Variants in NUP210 observed in about 807,000 individuals in gnomAD.
NUP210 encodes the protein nucleoporin 210.
Under a neutral mutation model 196.0 loss-of-function variants are expected in NUP210, and 151 were observed. The ratio of observed to expected loss-of-function variants is 0.77; its 90% confidence interval spans 0.67 to 0.88. NUP210 has a LOEUF of 0.88. Among genes scored for constraint, NUP210 ranks in the 40% least tolerant of loss-of-function variants. The pLI, the probability that NUP210 is intolerant of heterozygous loss-of-function variation, is 0.00. For synonymous variants in NUP210, 1,070 were observed against 1,052.7 expected, an observed-to-expected ratio of 1.02 and a Z score of -0.32; for missense variants, 2,314 against 2,493.7, an observed-to-expected ratio of 0.93 and a Z score of 1.53.
Position 13,319,299 on chromosome 3 carries a change from G to T in NUP210, c.5410C>A (p.Leu1804Met), listed in dbSNP as rs757007725. 5.0e-6 allele frequency: 8 copies of T among 1,611,938 alleles called. No individual in the cohort carries two copies. The highest frequency in any genetic ancestry group is 6.8e-6 in the Non-Finnish European group (8 of 1,178,996). The change falls in exon 38 of 40, where the codon CTG (leucine) becomes ATG (methionine). Residue 1804 changes from leucine (L) to methionine (M), a missense_variant. By Grantham distance (15) the Leu-to-Met change is conservative. Transcript: ENST00000254508. Reference protein sequence around the residue: ...PYGASLFQHFLDSYQVMFFTL... With the variant: ...PYGASLFQHFMDSYQVMFFTL... ...AAGAACATGACCTGGTAGGAATCCA[G>T]GAAGTGCTGGAAGAGGCTGGCTCCA...
chr3:13,353,865 G>A (rs1173611282), intron 17 of NUP210, 50 bp downstream of exon 17: 15 of 1,547,782 alleles, frequency 9.7e-6, no homozygotes, highest in East Asian at 2.3e-5. Context: ...CAGGCTTCCT[G>A]TCTGGTCTCT....
rs1559323745 is a variant in NUP210 at position 13,352,127 on chromosome 3, T to A, written c.2686A>T (p.Arg896Trp). The change falls in exon 19 of 40, where the codon AGG becomes TGG. Residue 896 changes from arginine (R) to tryptophan (W), a missense_variant. By Grantham distance (101) the Arg-to-Trp change is moderately radical. Transcript: ENST00000254508. ...SIELILVEDVRVSPEEVTIYN... is the reference protein window; with the variant it reads ...SIELILVEDVWVSPEEVTIYN... ...ATGGTCACCTCTTCTGGGCTCACCC[T>A]CACGTCCTCCACCAGGATGAGCTCT... 6.2e-7 allele frequency: 1 copy of A among 1,614,028 alleles called. No individual in the cohort carries two copies. Among genetic ancestry groups the A allele is most frequent in the Non-Finnish European group, 8.5e-7 (1 of 1,179,998 alleles).
intron 1 of NUP210, among the ~76,000 whole-genome samples, chr3:13,402,119 G>A (rs1699858017): frequency 6.6e-6 from 1 of 152,150 alleles, no homozygotes; most frequent in South Asian, 2.1e-4. Context: ...AGGATCCCTT[G>A]AGCCCAGGAG....
At chr3:13,335,636 T>C (rs764385717) in intron 27 of NUP210, 24 bp from the exon 28 acceptor site, 1 of 1,612,240 alleles carries the variant, frequency 6.2e-7, no homozygotes, top group Admixed American at 1.7e-5. Context: ...AAACACGTTT[T>C]CAGGGGTAAG....
chr3:13,373,853 G>A lies in NUP210; in HGVS notation c.1452C>T (p.Asn484=). The change falls in exon 12 of 40, where the codon AAC becomes AAT. Residue 484 remains asparagine, a synonymous_variant. Transcript: ENST00000254508. Reference sequence around the variant, plus strand: ...GGTGGCTTGACGAAGACCAGCTGAAGTTCCCACTGCCACCGTGGGCCTGCG... The same window carrying A: ...GGTGGCTTGACGAAGACCAGCTGAAATTCCCACTGCCACCGTGGGCCTGCG... The part of the protein sequence containing the change: ...YTIRAHGGSG[N]FSWSSSSHLV... The A allele has an allele frequency of 6.2e-7, 1 of 1,613,790 alleles. No homozygotes were observed. Among genetic ancestry groups the A allele is most frequent in the Non-Finnish European group, 8.5e-7 (1 of 1,179,838 alleles).
chr3:13,343,074 G>T (rs1298576181), intron 21 of NUP210, 101 bp downstream of exon 21: 2 of 1,420,400 alleles, frequency 1.4e-6, no homozygotes, highest in East Asian at 2.3e-5. Flanking sequence ...CAGACCACAG[G>T]AGCAAAAGCA....
At chr3:13,359,027 A>G (rs1365217840) in intron 15 of NUP210, among the ~76,000 whole-genome samples, 1 of 152,170 alleles carries the variant, frequency 6.6e-6, no homozygotes, top group Non-Finnish European at 1.5e-5. Context: ...TTGGAGCACC[A>G]TGGCTCAGGG....
intron 2 of NUP210, among the ~76,000 whole-genome samples, chr3:13,398,173 C>T (rs1477561864): frequency 6.6e-6 from 1 of 152,220 alleles, no homozygotes; most frequent in Non-Finnish European, 1.5e-5. Context: ...GGTGTGGTGG[C>T]TCACGTCTGT....
intron 32 of NUP210, among the ~76,000 whole-genome samples, chr3:13,326,770 G>A (rs145999421): frequency 0.014 from 2,082 of 152,366 alleles, 20 homozygotes; most frequent in Non-Finnish European, 0.019. Flanking sequence ...GCAGAGATCC[G>A]TGTGTCTCCT....
Position 13,343,180 on chromosome 3 carries a change from C to A in NUP210, c.2959G>T (p.Asp987Tyr). The A allele has an allele frequency of 1.2e-6, 2 of 1,614,132 alleles. No individual in the cohort carries two copies. The highest frequency in any genetic ancestry group is 1.7e-6 in the Non-Finnish European group (2 of 1,180,006). Reference sequence around the variant, plus strand: ...GTCATGAAGCTTCCACTGACCTTGTCAACCACACGGATGTACAGCTCCTGA... The same window carrying A: ...GTCATGAAGCTTCCACTGACCTTGTAAACCACACGGATGTACAGCTCCTGA... ...DIQELYIRVVDKVEIGKTVKA... is the reference protein window; with the variant it reads ...DIQELYIRVVYKVEIGKTVKA... The change falls in exon 21 of 40, where the codon GAC becomes TAC. Residue 987 changes from aspartate to tyrosine, a missense_variant. Asp to Tyr is a radical substitution (Grantham distance 160, BLOSUM62 -3). Coordinates refer to ENST00000254508, the MANE Select transcript of NUP210 (RefSeq NM_024923.4).
chr3:13,356,630 G>C (rs1406319456), intron 16 of NUP210, among the ~76,000 whole-genome samples: 3 of 152,170 alleles, frequency 2.0e-5, no homozygotes, highest in African/African-American at 7.2e-5. Flanking sequence ...GCAACAGAGC[G>C]AGACTGTGTC....
intron 3 of NUP210, among the ~76,000 whole-genome samples, chr3:13,392,615 C>T (rs1242551193): frequency 6.6e-6 from 1 of 152,212 alleles, no homozygotes. Context: ...GCTGCGTCCC[C>T]ATCAGATGGG....
At chr3:13,319,704 A>G in intron 37 of NUP210, 59 bp downstream of exon 37, 1 of 1,453,234 alleles carries the variant, frequency 6.9e-7, no homozygotes, top group Admixed American at 1.7e-5. Context: ...AGCCAGGACC[A>G]CTCCTGCCTG....
chr3:13,402,255 C>T (rs556794855), intron 1 of NUP210, among the ~76,000 whole-genome samples: 4 of 152,088 alleles, frequency 2.6e-5, no homozygotes, highest in African/African-American at 9.6e-5. Flanking sequence ...AAAATAAAGT[C>T]TATGGGGGGA....
rs1264724043 is a variant in NUP210 at position 13,366,068 on chromosome 3, G to A, written c.1810C>T (p.His604Tyr). The A allele has an allele frequency of 2.5e-6, 4 of 1,613,914 alleles. No individual in the cohort carries two copies. Among genetic ancestry groups the A allele is most frequent in the Non-Finnish European group, 3.4e-6 (4 of 1,179,926 alleles). Reference protein sequence around the residue: ...LPGRLPPGSEHCSGIRVKAEA... With the variant: ...LPGRLPPGSEYCSGIRVKAEA... Reference sequence around the variant, plus strand: ...GCCTTTACCCGGATGCCGCTGCAGTGCTCAGAGCCTGGCGGCAGCCTCCCT... The same window carrying A: ...GCCTTTACCCGGATGCCGCTGCAGTACTCAGAGCCTGGCGGCAGCCTCCCT... Residue 604 changes from histidine (H) to tyrosine (Y), a missense_variant, in exon 14 of 40, where the codon CAC becomes TAC. His to Tyr is a moderately conservative substitution (Grantham distance 83). Coordinates refer to ENST00000254508, the MANE Select transcript of NUP210 (RefSeq NM_024923.4).
rs1407245178 is a variant in NUP210, at chr3:13,337,883, G to A, written c.3506C>T (p.Ala1169Val). The A allele has an allele frequency of 1.3e-5, 21 of 1,612,786 alleles. No homozygotes were observed. The highest frequency in any genetic ancestry group is 6.7e-5 in the Admixed American group (4 of 59,956). Residue 1169 changes from alanine to valine, a missense_variant, in exon 26 of 40, where the codon GCC (alanine) becomes GTC (valine). Transcript: ENST00000254508. ...CATGATGGGGGCGCGGATCCTCACG[G>A]CCCTTAGCAGCAGCACCTCCACCTG... ...LVQVEVLLLR[A>V]VRIRAPIMRM... is the part of the protein sequence containing the mutation.
At chr3:13,388,127 G>A (rs1699347294) in intron 5 of NUP210, among the ~76,000 whole-genome samples, 176 bp downstream of exon 5, 1 of 152,116 alleles carries the variant, frequency 6.6e-6, no homozygotes, top group Non-Finnish European at 1.5e-5. Context: ...GTAAGCTGAG[G>A]CTCAAACAAA....
At chr3:13,371,230 C>G (rs965811145) in intron 13 of NUP210, among the ~76,000 whole-genome samples, 2 of 152,210 alleles carry the variant, frequency 1.3e-5, no homozygotes, top group African/African-American at 4.8e-5. Context: ...CATCCCTGTC[C>G]CAGGCCATGT....
intron 6 of NUP210, among the ~76,000 whole-genome samples, chr3:13,380,172 C>T (rs1699055186): frequency 1.3e-5 from 2 of 152,202 alleles, no homozygotes; most frequent in Admixed American, 1.3e-4. Flanking sequence ...TGCTGCCATC[C>T]TCACCAGCTT....
Sources: gnomAD v4.1 joint callset for allele counts (sites outside exome capture counted in the v4.1 genomes callset) on GRCh38, gnomAD v4.1.1 for gene constraint, MANE v1.5 for transcripts, NCBI Gene and HGNC (gene_info 2026-07-23, HGNC 2026-07-21) for gene names.